Variants in LUC7L2 observed in about 807,000 individuals in gnomAD.
LUC7L2 encodes putative RNA-binding protein Luc7-like 2.
In LUC7L2, 25 loss-of-function variants were observed where a neutral mutation model predicts 52.8. The ratio of observed to expected loss-of-function variants is 0.47; its 90% CI spans 0.34 to 0.66. LUC7L2 has a LOEUF of 0.66. Among genes scored for constraint, LUC7L2 ranks in the 30% least tolerant of loss-of-function variants. LUC7L2 has a pLI of 0.01. For synonymous variants in LUC7L2, 144 were observed against 160.9 expected, an observed-to-expected ratio of 0.89 and a Z score of 0.80; for missense variants, 328 against 497.8, an observed-to-expected ratio of 0.66 and a Z score of 3.25.
At chr7:139,344,672 G>A (rs1477283452) in intron 1 of LUC7L2, among the ~76,000 whole-genome samples, 1 of 147,564 alleles carries the variant, frequency 6.8e-6, no homozygotes, top group Non-Finnish European at 1.5e-5. Flanking sequence ...TCATTTTTCA[G>A]ACAAAAGTTT....
At chr7:139,369,669 T>A (rs1479973319) in intron 1 of LUC7L2, among the ~76,000 whole-genome samples, 1 of 151,924 alleles carries the variant, frequency 6.6e-6, no homozygotes, top group Non-Finnish European at 1.5e-5. Context: ...ATATGGATTT[T>A]CACAGACAAG....
chr7:139,363,727 G>A (rs938418411), intron 1 of LUC7L2, among the ~76,000 whole-genome samples: 10 of 152,102 alleles, frequency 6.6e-5, no homozygotes, highest in African/African-American at 1.7e-4. Flanking sequence ...AAAGCAGGGA[G>A]GAGTTGCACA....
At chr7:139,373,831 A>G (rs1357835659) in intron 1 of LUC7L2, among the ~76,000 whole-genome samples, 5 of 152,212 alleles carry the variant, frequency 3.3e-5, no homozygotes, top group African/African-American at 1.2e-4. Flanking sequence ...CAAAGCACTG[A>G]AATGATTCTG....
intron 2 of LUC7L2, among the ~76,000 whole-genome samples, chr7:139,386,228 C>A (rs1794184605): frequency 6.6e-6 from 1 of 151,980 alleles, no homozygotes; most frequent in Non-Finnish European, 1.5e-5. Context: ...GTCTTAACTC[C>A]TGGCCTCACG....
intron 1 of LUC7L2, chr7:139,374,660 C>G: frequency 7.5e-7 from 1 of 1,340,626 alleles, no homozygotes; most frequent in Non-Finnish European, 9.6e-7. Flanking sequence ...TGTTGAACTG[C>G]TCTGAAGCTA....
chr7:139,385,301 G>A (rs1304512854), intron 2 of LUC7L2, among the ~76,000 whole-genome samples: 1 of 135,006 alleles, frequency 7.4e-6, no homozygotes, highest in African/African-American at 2.8e-5. Context: ...GAATCTATCA[G>A]TTAGGATTAC....
chr7:139,354,868 T>C (rs1799562947), intron 1 of LUC7L2, among the ~76,000 whole-genome samples: 2 of 152,072 alleles, frequency 1.3e-5, no homozygotes, highest in South Asian at 4.1e-4. Context: ...ACTTTTTTTT[T>C]TTTTTTGAGA....
chr7:139,352,323 C>G (rs944592506), intron 1 of LUC7L2, among the ~76,000 whole-genome samples: 1 of 151,954 alleles, frequency 6.6e-6, no homozygotes, highest in Non-Finnish European at 1.5e-5. Context: ...GACACCTTCT[C>G]TACAAAAATA....
intron 1 of LUC7L2, among the ~76,000 whole-genome samples, chr7:139,361,054 AGAG>A (rs1799856652): frequency 1.3e-5 from 2 of 152,350 alleles, no homozygotes; most frequent in African/African-American, 2.4e-5. Flanking sequence ...GAAGTAGAAT[AGAG>A]GAGAACAAAG....
intron 1 of LUC7L2, among the ~76,000 whole-genome samples, chr7:139,360,654 A>C (rs1435261502): frequency 6.6e-6 from 1 of 152,158 alleles, no homozygotes; most frequent in African/African-American, 2.4e-5. Context: ...GTCGCTGGTT[A>C]GGTACCTGCG....
At chr7:139,380,388 A>G (rs1800946537) in intron 2 of LUC7L2, among the ~76,000 whole-genome samples, 1 of 152,092 alleles carries the variant, frequency 6.6e-6, no homozygotes, top group South Asian at 2.1e-4. Context: ...ATCCAAGGTC[A>G]GGAGTTCGAG....
At chr7:139,416,790 CAA>C (rs1443683712) in intron 8 of LUC7L2, 8 of 152,320 alleles carry the variant, frequency 5.3e-5, no homozygotes, top group East Asian at 3.9e-4. Flanking sequence ...CTAATTCAGA[CAA>C]AGAGTAATTT....
chr7:139,356,418 TAAAC>T (rs1367223333), upstream of LUC7L2, among the ~76,000 whole-genome samples: 2 of 144,242 alleles, frequency 1.4e-5, no homozygotes, highest in Non-Finnish European at 3.1e-5. Context: ...TCTTTTTAGA[TAAAC>T]AAAATGGGAG....
At chr7:139,345,440 C>A in intron 1 of LUC7L2, 1 of 1,596,996 alleles carries the variant, frequency 6.3e-7, no homozygotes. Context: ...TTTATTAAAT[C>A]TTTCTCTGTG....
intron 8 of LUC7L2, 62 bp from the exon 9 acceptor site, chr7:139,417,476 T>A: frequency 9.0e-6 from 14 of 1,552,636 alleles, no homozygotes; most frequent in Non-Finnish European, 1.1e-5. Context: ...AAGAAAAGGC[T>A]TTAATAAATG....
intron 9 of LUC7L2, among the ~76,000 whole-genome samples, chr7:139,418,741 G>A (rs1029158161): frequency 6.6e-6 from 1 of 152,034 alleles, no homozygotes; most frequent in African/African-American, 2.4e-5. Flanking sequence ...ATAATTAATT[G>A]TATATGTTTT....
intron 2 of LUC7L2, among the ~76,000 whole-genome samples, chr7:139,396,286 A>T (rs80187175): frequency 6.6e-6 from 1 of 151,976 alleles, no homozygotes; most frequent in Non-Finnish European, 1.5e-5. Flanking sequence ...AAAAAAAAAA[A>T]TTAGCTGGAT....
chr7:139,364,078 G>T (rs1800019191), intron 1 of LUC7L2, among the ~76,000 whole-genome samples: 1 of 144,464 alleles, frequency 6.9e-6, no homozygotes, highest in Non-Finnish European at 1.5e-5. Context: ...TCCACCTCCT[G>T]GGTTCGAGTG....
At chr7:139,382,699 A>G (rs1250557651) in intron 2 of LUC7L2, among the ~76,000 whole-genome samples, 1 of 152,130 alleles carries the variant, frequency 6.6e-6, no homozygotes, top group Non-Finnish European at 1.5e-5. Context: ...AACCTAAAGT[A>G]ATTAAAGTAA....
Sources: gnomAD v4.1 joint callset for allele counts (sites outside exome capture counted in the v4.1 genomes callset) on GRCh38, gnomAD v4.1.1 for gene constraint, MANE v1.5 for transcripts, NCBI Gene and HGNC (gene_info 2026-07-23, HGNC 2026-07-21) for gene names.